The following ROBO2 variants were observed in gnomAD, a reference collection of about 807,000 sequenced individuals.
ROBO2 encodes roundabout guidance receptor 2.
ROBO2 carries 53 observed loss-of-function variants against 160.8 expected under a neutral mutation model. The observed-to-expected ratio is 0.33, with a 90% CI of 0.26 to 0.41. The LOEUF is 0.41. ROBO2 is among the 10% of genes least tolerant of loss of function. The probability of loss-of-function intolerance (pLI) is 1.00; values close to 1 mark genes in which losing one functional copy is unlikely to be tolerated. For synonymous variants in ROBO2, 664 were observed against 611.7 expected (o/e 1.09, Z -1.26); for missense variants, 1,577 against 1,722.4 (o/e 0.92, Z 1.49).
intron 2 of ROBO2, among the ~76,000 whole-genome samples, chr3:76,744,348 C>T (rs561128204): frequency 6.7e-6 from 1 of 148,176 alleles, no homozygotes; most frequent in Non-Finnish European, 1.5e-5. Context: ...CCTCCTCCTC[C>T]TTTTCCTTCT....
intron 2 of ROBO2, among the ~76,000 whole-genome samples, chr3:75,989,812 A>G (rs1161069982): frequency 6.6e-6 from 1 of 152,230 alleles, no homozygotes; most frequent in African/African-American, 2.4e-5. Context: ...AAGTTGTAGA[A>G]GTATGTGCTA....
intron 2 of ROBO2, among the ~76,000 whole-genome samples, chr3:76,524,910 C>T (rs2081866743): frequency 7.7e-6 from 1 of 129,454 alleles, no homozygotes; most frequent in South Asian, 2.6e-4. Flanking sequence ...CTACGCCTCA[C>T]ATTGGATTTA....
chr3:77,366,973 G>A (rs898978335), intron 2 of ROBO2, among the ~76,000 whole-genome samples: 2 of 151,038 alleles, frequency 1.3e-5, no homozygotes, highest in African/African-American at 2.4e-5. Context: ...TCAAACACTG[G>A]GGATCAGATT....
chr3:77,040,049 C>CCCCTCCCT (rs546506463), exon 1 of ROBO2: 11 of 154,896 alleles, frequency 7.1e-5, no homozygotes, highest in South Asian at 6.2e-4. Flanking sequence ...CTCCGCCCGG[C>CCCCTCCCT]CCCTCCCTCC....
intron 2 of ROBO2, among the ~76,000 whole-genome samples, chr3:76,216,133 C>G (rs1703508317): frequency 6.6e-6 from 1 of 152,128 alleles, no homozygotes; most frequent in African/African-American, 2.4e-5. Context: ...CACCACCAGG[C>G]CTGCCCTAAA....
chr3:76,340,557 G>A (rs1049066066), intron 2 of ROBO2, among the ~76,000 whole-genome samples: 2 of 152,064 alleles, frequency 1.3e-5, no homozygotes, highest in African/African-American at 4.8e-5. Flanking sequence ...TAAAGCTAAT[G>A]GTGTATCTCA....
chr3:77,407,377 T>C (rs780999383), intron 2 of ROBO2, among the ~76,000 whole-genome samples: 11 of 152,220 alleles, frequency 7.2e-5, no homozygotes, highest in African/African-American at 2.2e-4. Flanking sequence ...ACAAATATCA[T>C]AAAATTATGG....
At chr3:76,020,243 G>T (rs535565362) in intron 2 of ROBO2, among the ~76,000 whole-genome samples, 1 of 151,770 alleles carries the variant, frequency 6.6e-6, no homozygotes, top group South Asian at 2.1e-4. Flanking sequence ...TTTATCCTTT[G>T]TGTATCAGTT....
chr3:76,166,586 G>A (rs1027852919), intron 2 of ROBO2, among the ~76,000 whole-genome samples: 8 of 151,692 alleles, frequency 5.3e-5, no homozygotes, highest in Admixed American at 4.6e-4. Context: ...ACCTAACTCC[G>A]AAATTCAGGC....
intron 15 of ROBO2, 149 bp from the exon 17 acceptor site, chr3:77,579,798 T>C (rs2093865935): frequency 1.0e-5 from 7 of 672,056 alleles, no homozygotes; most frequent in Admixed American, 2.3e-5. Context: ...ACTGCAGAGG[T>C]TGGGCTTTAG....
intron 2 of ROBO2, among the ~76,000 whole-genome samples, chr3:76,567,640 T>TATATATAC (rs2084635276): frequency 1.1e-5 from 1 of 93,358 alleles, no homozygotes; most frequent in Non-Finnish European, 2.2e-5. Context: ...TATATATATA[T>TATATATAC]ATATATATAT....
intron 2 of ROBO2, among the ~76,000 whole-genome samples, chr3:77,288,459 T>C (rs1028864889): frequency 1.3e-5 from 2 of 152,196 alleles, no homozygotes; most frequent in Non-Finnish European, 2.9e-5. Context: ...AATCTTCATA[T>C]GGATTTTGTG....
chr3:76,497,563 C>T (rs12714442), intron 2 of ROBO2, among the ~76,000 whole-genome samples: 39,879 of 152,006 alleles, frequency 0.26, 6,217 homozygotes, highest in African/African-American at 0.42. Flanking sequence ...TCTTGTGTGA[C>T]GGTTAATTTT....
chr3:77,435,056 A>C (rs2079144408), intron 2 of ROBO2, among the ~76,000 whole-genome samples: 1 of 152,054 alleles, frequency 6.6e-6, no homozygotes, highest in African/African-American at 2.4e-5. Flanking sequence ...TTTTGCCATC[A>C]GTGAGATGAA....
intron 2 of ROBO2, among the ~76,000 whole-genome samples, chr3:76,330,490 A>G (rs2073399528): frequency 6.6e-6 from 1 of 152,212 alleles, no homozygotes; most frequent in South Asian, 2.1e-4. Context: ...GTTTTATAAC[A>G]GAAATGTAAG....
intron 2 of ROBO2, among the ~76,000 whole-genome samples, chr3:76,797,117 A>G (rs2063758732): frequency 6.6e-6 from 1 of 152,166 alleles, no homozygotes; most frequent in Non-Finnish European, 1.5e-5. Context: ...TATGTACGGA[A>G]CATTTCATCC....
intron 2 of ROBO2, among the ~76,000 whole-genome samples, chr3:76,031,616 A>G (rs1376790580): frequency 6.6e-6 from 1 of 152,118 alleles, no homozygotes; most frequent in Non-Finnish European, 1.5e-5. Flanking sequence ...ATCTATTGAG[A>G]TAATCGTGTG....
intron 2 of ROBO2, among the ~76,000 whole-genome samples, chr3:76,445,680 G>C (rs1019136019): frequency 7.9e-5 from 12 of 152,192 alleles, no homozygotes; most frequent in East Asian, 1.9e-4. Flanking sequence ...TCATCAAAAA[G>C]CTTATCCACC....
At chr3:76,357,479 T>C (rs1463147930) in intron 2 of ROBO2, among the ~76,000 whole-genome samples, 2 of 152,000 alleles carry the variant, frequency 1.3e-5, no homozygotes, top group Non-Finnish European at 1.5e-5. Flanking sequence ...AGATGAATTA[T>C]AAAAGCAGGT....
Sources: allele counts gnomAD v4.1 joint callset (sites outside exome capture counted in the v4.1 genomes callset), GRCh38; gene constraint gnomAD v4.1.1; transcripts MANE v1.5; gene names NCBI Gene and HGNC (gene_info 2026-07-23, HGNC 2026-07-21).